Variants in OTUD7A observed in about 807,000 individuals in gnomAD.
The protein encoded by OTUD7A is OTU domain-containing protein 7A.
In OTUD7A, 12 loss-of-function variants were observed where a neutral mutation model predicts 65.7. That is an observed-to-expected ratio of 0.18 (90% CI 0.12 to 0.30). The LOEUF is 0.30. Among genes scored for constraint, OTUD7A ranks in the 10% least tolerant of loss-of-function variants. The pLI, the probability that OTUD7A is intolerant of heterozygous loss-of-function variation, is 1.00. For missense variants in OTUD7A, 1,148 were observed against 1,304.8 expected (o/e 0.88, Z 1.85); for synonymous variants, 641 against 586.3 (o/e 1.09, Z -1.35).
intron 3 of OTUD7A, among the ~76,000 whole-genome samples, chr15:31,586,058 G>A (rs1889525861): frequency 6.6e-6 from 1 of 152,196 alleles, no homozygotes; most frequent in Admixed American, 6.5e-5. Flanking sequence ...CTGAAGGTGA[G>A]GCTACGCTGG....
intron 1 of OTUD7A, among the ~76,000 whole-genome samples, chr15:31,736,830 G>C (rs12903137): frequency 6.6e-6 from 1 of 150,704 alleles, no homozygotes; most frequent in Admixed American, 6.6e-5. Context: ...TCTTTTTTTT[G>C]GGGGGGCGGG....
intron 1 of OTUD7A, among the ~76,000 whole-genome samples, chr15:31,849,998 T>A (rs549365483): frequency 6.6e-5 from 10 of 152,200 alleles, no homozygotes; most frequent in Non-Finnish European, 5.9e-5. Flanking sequence ...TGGAAGACAG[T>A]GTGGCAATTC....
chr15:31,794,631 G>GAAA (rs66726796), intron 1 of OTUD7A, among the ~76,000 whole-genome samples: 8 of 142,606 alleles, frequency 5.6e-5, no homozygotes, highest in East Asian at 2.1e-4. Flanking sequence ...ATAGAATAGT[G>GAAA]AAAAAAAAAA....
intron 3 of OTUD7A, among the ~76,000 whole-genome samples, chr15:31,600,736 C>T (rs1227247867): frequency 1.3e-5 from 2 of 152,194 alleles, no homozygotes; most frequent in African/African-American, 2.4e-5. Context: ...CAAAGACACA[C>T]ACAGACTCAA....
At chr15:31,747,996 A>G (rs992235083) in intron 1 of OTUD7A, among the ~76,000 whole-genome samples, 3 of 152,182 alleles carry the variant, frequency 2.0e-5, no homozygotes, top group African/African-American at 7.2e-5. Flanking sequence ...CACCAAATCA[A>G]GAAAGAGAAA....
At chr15:31,790,602 C>G (rs188971637) in intron 1 of OTUD7A, among the ~76,000 whole-genome samples, 1 of 152,188 alleles carries the variant, frequency 6.6e-6, no homozygotes, top group African/African-American at 2.4e-5. Context: ...GGGCACAAGT[C>G]CAACCTGGGG....
chr15:31,629,188 C>T (rs1233518883), intron 3 of OTUD7A, among the ~76,000 whole-genome samples: 5 of 152,234 alleles, frequency 3.3e-5, no homozygotes, highest in African/African-American at 1.2e-4. Context: ...AAAGGGAATG[C>T]TTCCAGTTTT....
intron 3 of OTUD7A, among the ~76,000 whole-genome samples, chr15:31,634,451 C>T (rs1421610837): frequency 6.6e-6 from 1 of 152,238 alleles, no homozygotes; most frequent in African/African-American, 2.4e-5. Context: ...TGCCTTTACA[C>T]AGCATACATG....
chr15:31,568,272 TG>T (rs755703303), intron 4 of OTUD7A, among the ~76,000 whole-genome samples: 34 of 152,276 alleles, frequency 2.2e-4, no homozygotes, highest in Non-Finnish European at 4.4e-5. Context: ...TGGTGTGCCC[TG>T]GATGTGAGAC....
At chr15:31,814,164 C>G (rs1007054623) in intron 1 of OTUD7A, among the ~76,000 whole-genome samples, 1 of 152,220 alleles carries the variant, frequency 6.6e-6, no homozygotes, top group Admixed American at 6.5e-5. Context: ...CTCCACAAAC[C>G]CTCTTTCTGG....
intron 3 of OTUD7A, among the ~76,000 whole-genome samples, chr15:31,599,855 C>A (rs1211030130): frequency 6.6e-6 from 1 of 151,968 alleles, no homozygotes; most frequent in African/African-American, 2.4e-5. Flanking sequence ...ACACAAATAT[C>A]AATAGCCGAG....
In OTUD7A at chr15:31,483,122, G is replaced by A. The variant is rs1200164821; in HGVS notation, c.*172C>T. 2.0e-6 allele frequency: 1 copy of A among 504,016 alleles called. No individual in the cohort carries two copies. Among genetic ancestry groups the A allele is most frequent in the East Asian group, 1.3e-4 (1 of 7,750 alleles). The allele number at this position is 504,016 out of a possible 1,614,324, so 31.2% of individuals were successfully genotyped here. ...TTTCCTATCCGTCTACTACCTGAGT[G>A]GCGTCAGTGTAGGTTCAGGCACCAT... On this transcript the variant is annotated 3_prime_UTR_variant, in exon 13 of 13. Coordinates refer to ENST00000307050, the MANE Select transcript of OTUD7A (RefSeq NM_001382637.1).
intron 8 of OTUD7A, among the ~76,000 whole-genome samples, chr15:31,518,647 G>A (rs1352292587): frequency 6.6e-6 from 1 of 152,236 alleles, no homozygotes; most frequent in East Asian, 1.9e-4. Context: ...AGCACAGTAG[G>A]TGGGGATGGT....
chr15:31,718,662 G>A (rs148734282), intron 1 of OTUD7A, among the ~76,000 whole-genome samples: 1 of 137,984 alleles, frequency 7.2e-6, no homozygotes, highest in African/African-American at 2.5e-5. Context: ...CCCACTTATT[G>A]GCTGGATAAT....
intron 3 of OTUD7A, among the ~76,000 whole-genome samples, chr15:31,590,358 CATTCAGTGATGA>C (rs1406285155): frequency 6.6e-6 from 1 of 152,050 alleles, no homozygotes; most frequent in African/African-American, 2.4e-5. Flanking sequence ...GTATTTCTGT[CATTCAGTGATGA>C]ATGACTATAT....
At position 31,479,053 on chromosome 15, in the gene OTUD7A, TAG is replaced by T. The variant is rs1268023789; in HGVS notation, c.*4239_*4240del. On this transcript the variant is annotated 3_prime_UTR_variant, in exon 13 of 13. Transcript: ENST00000307050. ...GCCAGCCACACTAAAACAGGCCAGC[TAG>T]AGTTTAGAGTCAGGAGTAAATGGGA... The T allele has an allele frequency of 2.6e-5, 4 of 152,378 alleles. No homozygotes were observed. In the East Asian group the frequency reaches 5.8e-4, roughly 22 times the overall value. The allele number at this position is 152,378 out of a possible 1,614,324, so 9.4% of individuals were successfully genotyped here. A position where few individuals can be genotyped will look rare whatever the true frequency, so the allele number is the denominator to read the frequency against.
chr15:31,627,513 C>A (rs1346896526), intron 3 of OTUD7A, among the ~76,000 whole-genome samples: 1 of 151,958 alleles, frequency 6.6e-6, no homozygotes, highest in Non-Finnish European at 1.5e-5. Context: ...GGGTTGGTTC[C>A]AAGTCTTTGC....
intron 1 of OTUD7A, among the ~76,000 whole-genome samples, chr15:31,691,051 T>C (rs1892950017): frequency 6.6e-6 from 1 of 152,178 alleles, no homozygotes; most frequent in Non-Finnish European, 1.5e-5. Flanking sequence ...AAGGGATTAA[T>C]ATCCATAACA....
intron 1 of OTUD7A, among the ~76,000 whole-genome samples, chr15:31,711,055 T>C (rs1317064678): frequency 2.9e-5 from 4 of 136,486 alleles, no homozygotes; most frequent in Non-Finnish European, 4.8e-5. Context: ...GCTGAATTGA[T>C]TGTGGCCTGA....
Sources: allele counts gnomAD v4.1 joint callset (sites outside exome capture counted in the v4.1 genomes callset), GRCh38; gene constraint gnomAD v4.1.1; transcripts MANE v1.5; gene names NCBI Gene and HGNC (gene_info 2026-07-23, HGNC 2026-07-21).